MTA3: variants seen among roughly 807,000 people sequenced by gnomAD.
The protein encoded by MTA3 is metastasis associated 1 family member 3, also known as metastasis-associated protein MTA3.
In MTA3, 34 loss-of-function variants were observed where a neutral mutation model predicts 83.5. The ratio of observed to expected loss-of-function variants is 0.41; its 90% CI spans 0.31 to 0.54. The LOEUF (loss-of-function observed/expected upper bound fraction) is 0.54. MTA3 is among the 20% of genes least tolerant of loss of function. The pLI is 0.33. For missense variants in MTA3, 761 were observed against 726.4 expected (o/e 1.05, Z -0.55); for synonymous variants, 303 against 252.7 (o/e 1.20, Z -1.89).
At position 42,753,458 on chromosome 2, in the gene MTA3, A is replaced by C; in HGVS notation, c.*59A>C. 1 of 1,549,970 alleles carries C rather than the reference A, an allele frequency of 6.5e-7. No homozygotes were observed. ...GCTGCACTGTCCTGCTGATGTTCAC[A>C]GCCGTGCCTGGGAAGAAGGCAGCCC... On this transcript the variant is annotated 3_prime_UTR_variant, in exon 17 of 17. Coordinates refer to ENST00000405094, the MANE Select transcript of MTA3 (RefSeq NM_001330442.2).
At chr2:42,727,026 T>TA in intron 16 of MTA3, among the ~76,000 whole-genome samples, 2 of 152,264 alleles carry the variant, frequency 1.3e-5, no homozygotes, top group South Asian at 4.1e-4. Flanking sequence ...ACCCCAACTC[T>TA]AAAAAAGTTT....
At chr2:42,533,630 G>A (rs1268500620) in intron 2 of MTA3, among the ~76,000 whole-genome samples, 10 of 148,594 alleles carry the variant, frequency 6.7e-5, no homozygotes, top group Non-Finnish European at 1.3e-4. Flanking sequence ...TTAGGAGATC[G>A]AGACCATCCT....
intron 16 of MTA3, among the ~76,000 whole-genome samples, chr2:42,748,716 T>C (rs955273915): frequency 2.2e-4 from 33 of 152,174 alleles, no homozygotes; most frequent in African/African-American, 8.0e-4. Context: ...ACGGGTTGCA[T>C]TTTCTTGTTT....
chr2:42,506,592 G>A (rs906649977), intron 2 of MTA3, among the ~76,000 whole-genome samples: 16 of 151,386 alleles, frequency 1.1e-4, no homozygotes, highest in Non-Finnish European at 1.5e-5. Context: ...GTAGGCGGGG[G>A]GTAACGGATT....
In MTA3 at chr2:42,755,082, C is replaced by T; in HGVS notation, c.*1683C>T. The T allele has an allele frequency of 1.0e-6, 1 of 985,512 alleles. No individual in the cohort carries two copies. Among genetic ancestry groups the T allele is most frequent in the South Asian group, 4.7e-5 (1 of 21,282 alleles). The allele number at this position is 985,512 out of a possible 1,614,324, so 61.0% of individuals were successfully genotyped here. ...GGTGGAGGTGGCAGGCAGGGGTTCT[C>T]CTCAGGGTTCCCACTGAGGGGTCCC... is the stretch of plus-strand genomic sequence containing the variant. On this transcript the variant is annotated 3_prime_UTR_variant, in exon 17 of 17. Transcript: ENST00000405094.
chr2:42,752,193 A>G (rs1360170954), intron 16 of MTA3: 1 of 471,350 alleles, frequency 2.1e-6, no homozygotes, highest in South Asian at 1.5e-5. Context: ...CTGAGCTCAT[A>G]TCAAATACCA....
intron 6 of MTA3, 151 bp from the exon 7 acceptor site, chr2:42,656,049 T>TC: frequency 1.8e-6 from 1 of 565,888 alleles, no homozygotes; most frequent in Admixed American, 3.0e-5. Flanking sequence ...TAACGAGGTG[T>TC]TGTACATCTA....
chr2:42,671,843 G>A (rs532493462), intron 8 of MTA3, among the ~76,000 whole-genome samples: 37 of 152,040 alleles, frequency 2.4e-4, no homozygotes, highest in Non-Finnish European at 4.9e-4. Flanking sequence ...TTGCTCCCTG[G>A]GCCTTACTGA....
At chr2:42,549,652 T>C (rs901694734) in intron 2 of MTA3, among the ~76,000 whole-genome samples, 1 of 128,522 alleles carries the variant, frequency 7.8e-6, no homozygotes, top group Non-Finnish European at 1.6e-5. Context: ...ATATATAATA[T>C]ATTATATACA....
At chr2:42,502,216 G>C (rs114018068) in intron 2 of MTA3, among the ~76,000 whole-genome samples, 1 of 152,274 alleles carries the variant, frequency 6.6e-6, no homozygotes, top group Non-Finnish European at 1.5e-5. Flanking sequence ...TGATTAAGGA[G>C]TTGAAGCTTT....
Position 42,609,449 on chromosome 2 carries a change from T to A in MTA3, c.191-9T>A. Reference sequence around the variant, plus strand: ...GTACTAATAAATTCTTTGAATTTTATTTGTGTAGAAGAAATTGAGGAAGAA... The same window carrying A: ...GTACTAATAAATTCTTTGAATTTTAATTGTGTAGAAGAAATTGAGGAAGAA... On this transcript the variant is annotated splice_polypyrimidine_tract_variant and intron_variant, in intron 3 of 16. Transcript: ENST00000405094. 1 of 1,612,984 alleles carries A rather than the reference T, an allele frequency of 6.2e-7. No homozygotes were observed. Among genetic ancestry groups the A allele is most frequent in the South Asian group, 1.1e-5 (1 of 91,000 alleles).
upstream of MTA3, among the ~76,000 whole-genome samples, chr2:42,564,691 T>G (rs1677829166): frequency 6.6e-6 from 1 of 152,142 alleles, no homozygotes; most frequent in Non-Finnish European, 1.5e-5. Context: ...GGCCTCTGGT[T>G]TCAGATTAAT....
chr2:42,756,036 C>A lies in MTA3; in HGVS notation c.*2637C>A, dbSNP rs761845260. ...AGGGCCCACCCAGGAAAATGGATTT[C>A]AAGTGGGGGTTTTCATCCAGAGATT... On this transcript the variant is annotated 3_prime_UTR_variant, in exon 17 of 17. Transcript: ENST00000405094. The A allele has an allele frequency of 5.1e-6, 5 of 981,684 alleles. No individual in the cohort carries two copies. The highest frequency in any genetic ancestry group is 6.0e-6 in the Non-Finnish European group (5 of 826,670). 60.8% of individuals were successfully genotyped at this position (981,684 alleles called of 1,614,324 possible). A position where few individuals can be genotyped will look rare whatever the true frequency, so the allele number is the denominator to read the frequency against.
rs555502390 is a variant in MTA3 at position 42,646,236 on chromosome 2, A to C, written c.499+1992A>C. ...CTGCTCATTGATAATGCTCCCCTTC[A>C]CCCAAGAGCTCTGATGGGGATGTAC... On this transcript the variant is annotated intron_variant, in intron 6 of 16. Transcript: ENST00000405094. 3.3e-5 allele frequency among the ~76,000 whole-genome samples: 5 copies of C among 152,298 alleles called. No homozygotes were observed. In the South Asian group the frequency reaches 8.3e-4, roughly 25 times the overall value.
chr2:42,674,224 A>T (rs186468588), intron 8 of MTA3, among the ~76,000 whole-genome samples: 22 of 152,368 alleles, frequency 1.4e-4, no homozygotes, highest in African/African-American at 5.3e-4. Context: ...CAAGCCCAAC[A>T]TCAGTGGAGT....
chr2:42,711,630 T>C (rs1666617928), intron 14 of MTA3, among the ~76,000 whole-genome samples: 1 of 152,214 alleles, frequency 6.6e-6, no homozygotes. Context: ...TAATTGATTA[T>C]GCTATCATCT....
chr2:42,752,829 C>T (rs148049940), intron 16 of MTA3, among the ~76,000 whole-genome samples: 6 of 152,278 alleles, frequency 3.9e-5, no homozygotes, highest in African/African-American at 1.4e-4. Context: ...TATTCAAAAC[C>T]CAGCTTTTAA....
At position 42,697,028 on chromosome 2, in the gene MTA3, C is replaced by T. The variant is rs561160588; in HGVS notation, c.967-748C>T. On this transcript the variant is annotated intron_variant, in intron 10 of 16. Coordinates refer to ENST00000405094, the MANE Select transcript of MTA3 (RefSeq NM_001330442.2). ...CCTGTTCTAAAAGTTTCAAGTTGTC[C>T]CCCTAAGTATTTCTGTTTTCTCCTC... Among the ~76,000 whole-genome samples, 3 of 152,234 alleles carry T rather than the reference C, an allele frequency of 2.0e-5. No homozygotes were observed. In the South Asian group the frequency reaches 6.2e-4, roughly 32 times the overall value.
At chr2:42,581,899 G>C (rs1291948165) in intron 3 of MTA3, 1 of 171,492 alleles carries the variant, frequency 5.8e-6, no homozygotes, top group East Asian at 1.8e-4. Context: ...CTGAGTAGCT[G>C]GGATTACAGG....
Sources: gnomAD v4.1 joint callset for allele counts (sites outside exome capture counted in the v4.1 genomes callset) on GRCh38, gnomAD v4.1.1 for gene constraint, MANE v1.5 for transcripts, NCBI Gene and HGNC (gene_info 2026-07-23, HGNC 2026-07-21) for gene names.